Variants in POLE observed in about 807,000 individuals in gnomAD.
POLE encodes the protein DNA polymerase epsilon catalytic subunit A.
Under a neutral mutation model 279.2 loss-of-function variants are expected in POLE, and 188 were observed. That is an observed-to-expected ratio of 0.67 (90% CI 0.60 to 0.76). The LOEUF (loss-of-function observed/expected upper bound fraction) is 0.76. Ranked by LOEUF, POLE falls within the 30% of genes least tolerant of loss-of-function variation. The probability of loss-of-function intolerance (pLI) is 0.00; values close to 1 mark genes in which losing one functional copy is unlikely to be tolerated. For missense variants in POLE, 2,703 were observed against 3,016.7 expected (o/e 0.90, Z 2.44); for synonymous variants, 1,214 against 1,172.5 (o/e 1.04, Z -0.72).
chr12:132,636,147 C>T (rs946872842), intron 41 of POLE, 123 bp from the exon 42 acceptor site: 30 of 1,050,588 alleles, frequency 2.9e-5, no homozygotes, highest in Non-Finnish European at 3.5e-5. Flanking sequence ...AAAGTTCATT[C>T]AGACCACATC....
At position 132,677,666 on chromosome 12, in the gene POLE, A is replaced by G. The variant is rs1555229716; in HGVS notation, c.632T>C (p.Ile211Thr). Reference protein sequence around the residue: ...ITDEEETSKKIADQLDNIVDM... With the variant: ...ITDEEETSKKTADQLDNIVDM... ...CACAATGTTGTCCAACTGGTCAGCTATCTTCTTAGAGGTTTCCTCTTCATC... is the reference window on the plus strand; with the variant it reads ...CACAATGTTGTCCAACTGGTCAGCTGTCTTCTTAGAGGTTTCCTCTTCATC... Residue 211 changes from isoleucine (I) to threonine (T), a missense_variant, in exon 7 of 49, where the codon ATA becomes ACA. By Grantham distance (89) the Ile-to-Thr change is moderately conservative (BLOSUM62 -1). Transcript: ENST00000320574. 16 of 1,614,018 alleles carry G rather than the reference A, an allele frequency of 9.9e-6. No individual in the cohort carries two copies. The highest frequency in any genetic ancestry group is 3.3e-5 in the Admixed American group (2 of 60,002).
In POLE at chr12:132,625,739, G is replaced by C. The variant is rs780307061; in HGVS notation, c.6563C>G (p.Ser2188Cys). The change falls in exon 47 of 49, where the codon TCC becomes TGC. Residue 2188 changes from serine (S) to cysteine (C), a missense_variant. By Grantham distance (112) the Ser-to-Cys change is moderately radical. Transcript: ENST00000320574. ...DGAVLPQWLC[S>C]NCQAPYDSSA... The stretch of plus-strand genomic sequence containing the variant: ...GGAGTCGTAGGGCGCCTGACAGTTG[G>C]AGCAGAGCCACTGAGGCAGGACCGC... The C allele has an allele frequency of 3.1e-6, 5 of 1,612,800 alleles. No individual in the cohort carries two copies. Among genetic ancestry groups the C allele is most frequent in the East Asian group, 2.2e-5 (1 of 44,884 alleles).
In POLE at chr12:132,675,614, G is replaced by T; in HGVS notation, c.1107-97C>A. The T allele has an allele frequency of 6.3e-7, 1 of 1,590,220 alleles. No homozygotes were observed. The highest frequency in any genetic ancestry group is 1.1e-5 in the South Asian group (1 of 88,622). On this transcript the variant is annotated intron_variant, in intron 11 of 48. Coordinates refer to ENST00000320574, the MANE Select transcript of POLE (RefSeq NM_006231.4). This position sits in a 1 kb window ranked among gnomAD's most constrained non-coding sequence, Gnocchi z 4.3. Reference sequence around the variant, plus strand: ...CAGACCCAGGGAGGAACCCAGACACGGGAGGTGCAGAGTGAACCCAGGAGC... The same window carrying T: ...CAGACCCAGGGAGGAACCCAGACACTGGAGGTGCAGAGTGAACCCAGGAGC...
In POLE at chr12:132,676,079, G is replaced by A. The variant is rs2136013336; in HGVS notation, c.1020+15C>T. 2 of 1,539,202 alleles carry A rather than the reference G, an allele frequency of 1.3e-6. No homozygotes were observed. Among genetic ancestry groups the A allele is most frequent in the Admixed American group, 3.6e-5 (2 of 55,118 alleles). On this transcript the variant is annotated intron_variant, in intron 10 of 48. Coordinates refer to ENST00000320574, the MANE Select transcript of POLE (RefSeq NM_006231.4). ...CCCACAATACCGGGTAGTTTCCCAA[G>A]TGATACCTCCTTACCTCATCGGGTT...
intron 39 of POLE, chr12:132,640,915 T>A (rs2042127311): frequency 8.9e-6 from 4 of 450,010 alleles, no homozygotes; most frequent in South Asian, 6.3e-5. Flanking sequence ...CCTGCCTCAT[T>A]TCCCAGCTCT....
At chr12:132,682,731 G>A (rs958713444) in intron 1 of POLE, among the ~76,000 whole-genome samples, 1 of 151,896 alleles carries the variant, frequency 6.6e-6, no homozygotes, top group African/African-American at 2.4e-5. Context: ...GAGGGTGGAT[G>A]ACTTGAGGCC....
In POLE at chr12:132,649,438, C is replaced by T; in HGVS notation, c.3873G>A (p.Lys1291=). The T allele has an allele frequency of 9.3e-6, 15 of 1,612,900 alleles. No homozygotes were observed. The highest frequency in any genetic ancestry group is 1.3e-5 in the Non-Finnish European group (15 of 1,180,010). ...LQARQRLARR[K]RQRLESAEGV... ...CCTCTGCCGACTCCAGACGCTGCCTCTTCCTGCGGGCGAGGCGCTGCCGGG... is the reference window on the plus strand; with the variant it reads ...CCTCTGCCGACTCCAGACGCTGCCTTTTCCTGCGGGCGAGGCGCTGCCGGG... The change falls in exon 31 of 49, where the codon AAG becomes AAA. Residue 1291 remains lysine (K), a synonymous_variant. Coordinates refer to ENST00000320574, the MANE Select transcript of POLE (RefSeq NM_006231.4).
intron 25 of POLE, 89 bp from the exon 26 acceptor site, chr12:132,659,598 T>C (rs1339361881): frequency 2.7e-6 from 3 of 1,102,830 alleles, no homozygotes; most frequent in Non-Finnish European, 4.0e-6. Flanking sequence ...GCCATGCCCT[T>C]CTCTAGCCTG....
At position 132,657,865 on chromosome 12, in the gene POLE, C is replaced by A; in HGVS notation, c.3378+3G>T. ...AAGAGTAGAGAACGCAACTGGCACTCACTGCTCGAATATCAAAGTCTTGAA... is the reference window on the plus strand; with the variant it reads ...AAGAGTAGAGAACGCAACTGGCACTAACTGCTCGAATATCAAAGTCTTGAA... On this transcript the variant is annotated splice_donor_region_variant and intron_variant, in intron 27 of 48. Transcript: ENST00000320574. The A allele has an allele frequency of 6.3e-7, 1 of 1,598,952 alleles. No homozygotes were observed. Among genetic ancestry groups the A allele is most frequent in the South Asian group, 1.1e-5 (1 of 90,786 alleles).
Position 132,639,093 on chromosome 12 carries a change from C to T in POLE, c.5552+32G>A, listed in dbSNP as rs199531379. ...TAAGGGACCAGCCCAGCTGAGGACG[C>T]GGTGGACAGCCCAGGGAGGAGGAGC... On this transcript the variant is annotated intron_variant, in intron 40 of 48. Transcript: ENST00000320574. The surrounding 1 kb of genome is among the most constrained non-coding windows in gnomAD (Gnocchi z 4.7). 1.1e-4 allele frequency: 184 copies of T among 1,605,470 alleles called. No individual in the cohort carries two copies. In the African/African-American group the frequency reaches 2.2e-3, roughly 19 times the overall value.
intron 20 of POLE, among the ~76,000 whole-genome samples, chr12:132,665,714 C>T (rs762720995): frequency 6.6e-6 from 1 of 151,612 alleles, no homozygotes; most frequent in Non-Finnish European, 1.5e-5. Context: ...CGCTTCAGCA[C>T]AGTTTCTAGG....
At chr12:132,626,339 TCGGGAAGGAGCTCC>T in intron 45 of POLE, 22 bp from the exon 46 acceptor site, 1 of 1,612,280 alleles carries the variant, frequency 6.2e-7, no homozygotes, top group Non-Finnish European at 8.5e-7. Context: ...ACAGCCCACA[TCGGGAAGGAGCTCC>T]CGGGGCCTCC....
At chr12:132,642,432 C>T (rs748772174) in intron 37 of POLE, 35 bp from the exon 38 acceptor site, 14 of 1,593,502 alleles carry the variant, frequency 8.8e-6, no homozygotes, top group Admixed American at 8.4e-5. Flanking sequence ...CGGGGCACAT[C>T]GCCGGGTCAC....
At chr12:132,631,447 T>C (rs184378912) in intron 45 of POLE, among the ~76,000 whole-genome samples, 3 of 152,258 alleles carry the variant, frequency 2.0e-5, no homozygotes, top group African/African-American at 4.8e-5. Context: ...GAATTTAAAA[T>C]ATGTAAAAGT....
In POLE at chr12:132,649,646, A is replaced by G. The variant is rs201052400; in HGVS notation, c.3795+31T>C. On this transcript the variant is annotated intron_variant, in intron 30 of 48. Coordinates refer to ENST00000320574, the MANE Select transcript of POLE (RefSeq NM_006231.4). ...TCCCTGGGCTGTGCAGACCCCTCAGAGACAGACAGTATCACAGCTGTGTGC... is the reference window on the plus strand; with the variant it reads ...TCCCTGGGCTGTGCAGACCCCTCAGGGACAGACAGTATCACAGCTGTGTGC... 73 of 1,611,708 alleles carry G rather than the reference A, an allele frequency of 4.5e-5. No homozygotes were observed. The East Asian group carries it at 1.6e-3, about 35-fold the overall frequency.
In POLE at chr12:132,624,704, C is replaced by T. The variant is rs1060500879; in HGVS notation, c.6854G>A (p.Gly2285Asp). 6.2e-7 allele frequency: 1 copy of T among 1,604,716 alleles called. No individual in the cohort carries two copies. The highest frequency in any genetic ancestry group is 1.7e-5 in the Admixed American group (1 of 60,024). Residue 2285 changes from glycine to aspartate, a missense_variant, in exon 49 of 49, where the codon GGC becomes GAC. This residue lies in a region of POLE where 1,551 missense variants were observed against 1,686.1 expected (regional missense o/e 0.92). Coordinates refer to ENST00000320574, the MANE Select transcript of POLE (RefSeq NM_006231.4). ...EWLLQKNPQL[G>D]H ...CCCGGGGCCCGGGGCTGGCTAATGG[C>T]CCAGCTGTGGGTTCTTCTGCAGCAG...
intron 41 of POLE, among the ~76,000 whole-genome samples, chr12:132,636,454 A>G (rs1217894160): frequency 6.6e-6 from 1 of 150,658 alleles, no homozygotes; most frequent in South Asian, 2.1e-4. Context: ...AAAAAAAAAA[A>G]AAAAAAAAAA....
At chr12:132,669,979 C>T (rs1452557546) in intron 16 of POLE, among the ~76,000 whole-genome samples, 2 of 152,200 alleles carry the variant, frequency 1.3e-5, no homozygotes, top group Non-Finnish European at 2.9e-5. Context: ...ATCTACAGAG[C>T]TCTCTTCCTC....
rs975561376 is a variant in POLE, at chr12:132,668,237, G to C, written c.2173+119C>G. 1 of 1,161,072 alleles carries C rather than the reference G, an allele frequency of 8.6e-7. No individual in the cohort carries two copies. The highest frequency in any genetic ancestry group is 1.2e-6 in the Non-Finnish European group (1 of 841,236). 71.9% of individuals were successfully genotyped at this position (1,161,072 alleles called of 1,614,324 possible). ...CTTACAGTGACCTAGAGCAGCTTCT[G>C]GTCTGCTGTGACAACACCTCTGGGG... On this transcript the variant is annotated intron_variant, in intron 19 of 48. Transcript: ENST00000320574. The surrounding 1 kb of genome is among the most constrained non-coding windows in gnomAD (Gnocchi z 4.0).
Sources: allele counts gnomAD v4.1 joint callset (sites outside exome capture counted in the v4.1 genomes callset), GRCh38; gene constraint gnomAD v4.1.1; regional missense constraint gnomAD v4.1.1; non-coding constraint Gnocchi (gnomAD v3.1); transcripts MANE v1.5; gene names NCBI Gene and HGNC (gene_info 2026-07-23, HGNC 2026-07-21).